ARHGEF3: variants seen among roughly 807,000 people sequenced by gnomAD.
The protein encoded by ARHGEF3 is Rho guanine nucleotide exchange factor 3.
A neutral mutation model predicts 63.2 loss-of-function variants in ARHGEF3; 28 were observed. The observed-to-expected ratio is 0.44, with a 90% CI of 0.33 to 0.61. The LOEUF is 0.61. ARHGEF3 is among the 20% of genes least tolerant of loss of function. The pLI, the probability that ARHGEF3 is intolerant of heterozygous loss-of-function variation, is 0.03. For missense variants in ARHGEF3, 533 were observed against 659.3 expected (o/e 0.81, Z 2.10); for synonymous variants, 266 against 254.2 (o/e 1.05, Z -0.44).
rs182100218 is a variant in ARHGEF3 at position 56,742,523 on chromosome 3, G to A, written c.870+2682C>T. Among the ~76,000 whole-genome samples the A allele has an allele frequency of 2.0e-5, 3 of 152,264 alleles. No individual in the cohort carries two copies. In the East Asian group the frequency reaches 5.8e-4, roughly 29 times the overall value. On this transcript the variant is annotated intron_variant, in intron 7 of 9. Transcript: ENST00000296315. ...CTGATTTTTCCCTTTTCATTGATGG[G>A]AAATTTATTCATGGGATATTTGTCA...
At chr3:56,996,269 G>A (rs141023024) in intron 2 of ARHGEF3, among the ~76,000 whole-genome samples, 1 of 152,054 alleles carries the variant, frequency 6.6e-6, no homozygotes, top group South Asian at 2.1e-4. Flanking sequence ...CTCCTCTCCT[G>A]TCTATTCCCT....
intron 4 of ARHGEF3, among the ~76,000 whole-genome samples, chr3:56,876,274 G>T (rs2040583582): frequency 6.6e-6 from 1 of 152,288 alleles, no homozygotes; most frequent in Non-Finnish European, 1.5e-5. Flanking sequence ...CCTAGAGGCA[G>T]GCATGACAAG....
chr3:56,903,727 G>A (rs1169989941), intron 3 of ARHGEF3, among the ~76,000 whole-genome samples: 1 of 152,038 alleles, frequency 6.6e-6, no homozygotes, highest in Non-Finnish European at 1.5e-5. Context: ...AACACACAGG[G>A]CCTGCCTGCT....
chr3:56,822,868 C>T (rs892705698), intron 4 of ARHGEF3, among the ~76,000 whole-genome samples: 1 of 104,130 alleles, frequency 9.6e-6, no homozygotes. Context: ...AAAAAAAAAT[C>T]ACGGTGTATC....
At chr3:56,797,502 A>C (rs2037433472) in intron 1 of ARHGEF3, among the ~76,000 whole-genome samples, 1 of 152,166 alleles carries the variant, frequency 6.6e-6, no homozygotes, top group Non-Finnish European at 1.5e-5. Context: ...CATCTGAAGA[A>C]ATTACAGGAT....
intron 1 of ARHGEF3, among the ~76,000 whole-genome samples, chr3:56,779,167 T>A (rs2036424378): frequency 6.6e-6 from 1 of 152,244 alleles, no homozygotes; most frequent in Non-Finnish European, 1.5e-5. Context: ...AACATTTGAC[T>A]TACTTTTTAT....
intron 2 of ARHGEF3, among the ~76,000 whole-genome samples, chr3:57,014,000 T>G (rs1286114172): frequency 6.6e-6 from 1 of 152,196 alleles, no homozygotes; most frequent in African/African-American, 2.4e-5. Flanking sequence ...TGCTGCTCAC[T>G]CTTTGGATCT....
chr3:56,971,628 G>A (rs1239033072), intron 2 of ARHGEF3, among the ~76,000 whole-genome samples: 2 of 151,798 alleles, frequency 1.3e-5, no homozygotes, highest in African/African-American at 2.4e-5. Flanking sequence ...GAGGTGGGTG[G>A]ATCATGAGGT....
intron 4 of ARHGEF3, among the ~76,000 whole-genome samples, chr3:56,847,953 A>T (rs2039544641): frequency 6.6e-6 from 1 of 152,118 alleles, no homozygotes; most frequent in Non-Finnish European, 1.5e-5. Flanking sequence ...TGTGGTTAGG[A>T]TGTGGGGGAA....
chr3:56,923,777 T>C, intron 3 of ARHGEF3, among the ~76,000 whole-genome samples: 1 of 152,232 alleles, frequency 6.6e-6, no homozygotes, highest in East Asian at 1.9e-4. Flanking sequence ...GTTTTGGGTG[T>C]GTTCATGTGT....
intron 4 of ARHGEF3, among the ~76,000 whole-genome samples, chr3:56,834,554 C>T (rs2039044461): frequency 6.6e-6 from 1 of 151,966 alleles, no homozygotes; most frequent in Admixed American, 6.6e-5. Flanking sequence ...CACCTGAGAT[C>T]GGGAGTTTGA....
At chr3:56,881,296 C>T (rs1173030831) in intron 4 of ARHGEF3, among the ~76,000 whole-genome samples, 12 of 152,306 alleles carry the variant, frequency 7.9e-5, no homozygotes, top group Admixed American at 6.5e-5. Context: ...ATAAGAGTAG[C>T]TTTCATGGTC....
chr3:57,054,047 A>G (rs1704794085), intron 1 of ARHGEF3, among the ~76,000 whole-genome samples: 2 of 152,196 alleles, frequency 1.3e-5, no homozygotes, highest in Non-Finnish European at 2.9e-5. Flanking sequence ...CAGCATAGGT[A>G]GGCATCTGTT....
chr3:56,975,977 T>A (rs1701109810), intron 2 of ARHGEF3, among the ~76,000 whole-genome samples: 1 of 152,218 alleles, frequency 6.6e-6, no homozygotes, highest in Non-Finnish European at 1.5e-5. Flanking sequence ...TTTAAAACAT[T>A]TAATGGCTCA....
chr3:56,792,816 C>A (rs1465457758), intron 1 of ARHGEF3, among the ~76,000 whole-genome samples: 1 of 137,632 alleles, frequency 7.3e-6, no homozygotes, highest in Admixed American at 6.9e-5. Flanking sequence ...TTTTCTTTTT[C>A]TTATTTTTTT....
chr3:56,905,246 T>C (rs1377436380), intron 3 of ARHGEF3, among the ~76,000 whole-genome samples: 1 of 152,230 alleles, frequency 6.6e-6, no homozygotes, highest in Non-Finnish European at 1.5e-5. Context: ...CACCATATGA[T>C]GATGTCAACC....
At chr3:56,860,067 G>GATAA (rs2040021240) in intron 4 of ARHGEF3, among the ~76,000 whole-genome samples, 1 of 151,906 alleles carries the variant, frequency 6.6e-6, no homozygotes, top group East Asian at 1.9e-4. Context: ...TAGATAGATA[G>GATAA]ATCGATAGAT....
intron 1 of ARHGEF3, among the ~76,000 whole-genome samples, chr3:57,039,772 T>C (rs945430499): frequency 3.3e-5 from 5 of 152,172 alleles, no homozygotes; most frequent in Non-Finnish European, 5.9e-5. Flanking sequence ...CTTTAATCAC[T>C]ACATCTCATT....
chr3:57,003,803 A>G (rs115866905), intron 2 of ARHGEF3, among the ~76,000 whole-genome samples: 2,432 of 152,260 alleles, frequency 0.016, 73 homozygotes, highest in African/African-American at 0.056. Flanking sequence ...GCCAGGAGCC[A>G]AGGAATGCAG....
Sources: allele counts gnomAD v4.1 joint callset (sites outside exome capture counted in the v4.1 genomes callset), GRCh38; gene constraint gnomAD v4.1.1; transcripts MANE v1.5; gene names NCBI Gene and HGNC (gene_info 2026-07-23, HGNC 2026-07-21).